Variants in GNB4 observed in about 807,000 individuals in gnomAD.
GNB4 encodes G protein subunit beta 4, also known as guanine nucleotide-binding protein subunit beta-4.
In GNB4, 28 loss-of-function variants were observed where a neutral mutation model predicts 45.2. That is an observed-to-expected ratio of 0.62 (90% confidence interval 0.46 to 0.85). GNB4 has a LOEUF of 0.85. GNB4 is among the 40% of genes least tolerant of loss of function. The probability of loss-of-function intolerance (pLI) is 0.00; values close to 1 mark genes in which losing one functional copy is unlikely to be tolerated. For missense variants in GNB4, 321 were observed against 425.4 expected (o/e 0.75, Z 2.16); for synonymous variants, 132 against 143.7 (o/e 0.92, Z 0.58).
intron 5 of GNB4, 66 bp downstream of exon 5, chr3:179,416,427 A>C: frequency 1.1e-6 from 1 of 909,636 alleles, no homozygotes; most frequent in Non-Finnish European, 1.7e-6. Context: ...AAAAGAATAA[A>C]GGAAAGAACT....
chr3:179,401,054 C>A lies in GNB4; in HGVS notation c.*159G>T. 1.9e-6 allele frequency: 1 copy of A among 524,378 alleles called. No individual in the cohort carries two copies. The highest frequency in any genetic ancestry group is 3.5e-5 in the South Asian group (1 of 28,230). The allele number at this position is 524,378 out of a possible 1,614,324, so 32.5% of individuals were successfully genotyped here. A position where few individuals can be genotyped will look rare whatever the true frequency, so the allele number is the denominator to read the frequency against. On this transcript the variant is annotated 3_prime_UTR_variant, in exon 10 of 10. Transcript: ENST00000232564. The stretch of plus-strand genomic sequence containing the variant: ...GCGCCTTTGCCTTTTTTCCTCCACC[C>A]CCACTTTTTTTTTGGTAGTTTACTG...
At chr3:179,486,128 C>T in the GNB4 span, among the ~76,000 whole-genome samples, 1 of 146,754 alleles carries the variant, frequency 6.8e-6, no homozygotes, top group Non-Finnish European at 1.5e-5. Context: ...GAGGCTGAGG[C>T]AGAGAACTGC....
chr3:179,503,254 C>T, the GNB4 span, among the ~76,000 whole-genome samples: 2 of 152,112 alleles, frequency 1.3e-5, no homozygotes, highest in African/African-American at 4.8e-5. Flanking sequence ...AGTGGTAAAA[C>T]ATACTGATTT....
chr3:179,420,525 C>T (rs1367809911), intron 3 of GNB4, among the ~76,000 whole-genome samples: 2 of 150,874 alleles, frequency 1.3e-5, no homozygotes, highest in Non-Finnish European at 2.9e-5. Context: ...TACAATGGTG[C>T]GATCTCAGCT....
intron 6 of GNB4, 23 bp downstream of exon 6, chr3:179,414,862 A>G (rs1209435976): frequency 1.3e-6 from 2 of 1,544,016 alleles, no homozygotes; most frequent in African/African-American, 1.3e-5. Flanking sequence ...GTGTGGTGGG[A>G]AAGAATATTT....
chr3:179,446,120 C>G (rs1440633197), intron 1 of GNB4, among the ~76,000 whole-genome samples: 1 of 152,210 alleles, frequency 6.6e-6, no homozygotes, highest in South Asian at 2.1e-4. Context: ...GAGGAACACA[C>G]ACTGTGAACT....
At chr3:179,418,871 T>A (rs1560215480) in intron 4 of GNB4, among the ~76,000 whole-genome samples, 1 of 152,268 alleles carries the variant, frequency 6.6e-6, no homozygotes, top group Non-Finnish European at 1.5e-5. Context: ...GTAGGCCACG[T>A]AGCAGCTGTG....
chr3:179,402,423 C>A (rs2108576381), intron 9 of GNB4, among the ~76,000 whole-genome samples: 1 of 152,308 alleles, frequency 6.6e-6, no homozygotes, highest in South Asian at 2.1e-4. Flanking sequence ...TGGCCTTAAG[C>A]AACGGAATAC....
chr3:179,506,242 G>A, the GNB4 span, among the ~76,000 whole-genome samples: 1 of 152,138 alleles, frequency 6.6e-6, no homozygotes, highest in South Asian at 2.1e-4. Flanking sequence ...GGAGGCTGAG[G>A]TGGGAGGATC....
intron 1 of GNB4, among the ~76,000 whole-genome samples, chr3:179,430,059 G>A (rs1715259764): frequency 8.7e-6 from 1 of 115,028 alleles, no homozygotes; most frequent in African/African-American, 3.1e-5. Flanking sequence ...GTGTGTGTGT[G>A]TGACTGAGAG....
intron 1 of GNB4, among the ~76,000 whole-genome samples, chr3:179,448,464 AACTT>A (rs1420804946): frequency 1.4e-4 from 21 of 151,652 alleles, no homozygotes; most frequent in Admixed American, 1.2e-3. Flanking sequence ...CTGTGCTCAA[AACTT>A]ACTTGGTTTT....
chr3:179,464,572 G>A, the GNB4 span: 1 of 1,520,718 alleles, frequency 6.6e-7, no homozygotes, highest in Admixed American at 1.7e-5. Context: ...ATCCTGGTTG[G>A]CGAGAGTTCT....
chr3:179,445,809 A>C (rs1715706508), intron 1 of GNB4, among the ~76,000 whole-genome samples: 1 of 152,226 alleles, frequency 6.6e-6, no homozygotes, highest in Non-Finnish European at 1.5e-5. Context: ...ACTGCAAGTA[A>C]GACAAGCATC....
the GNB4 span, among the ~76,000 whole-genome samples, chr3:179,520,534 G>A: frequency 2.6e-5 from 4 of 152,086 alleles, no homozygotes; most frequent in Non-Finnish European, 4.4e-5. Context: ...AATACTTTTA[G>A]AGGCCCTCAA....
At chr3:179,510,130 T>G in the GNB4 span, among the ~76,000 whole-genome samples, 1 of 151,942 alleles carries the variant, frequency 6.6e-6, no homozygotes, top group African/African-American at 2.4e-5. Flanking sequence ...GTGCCCAGGC[T>G]TCTTTTTTTT....
At chr3:179,486,215 T>A in the GNB4 span, among the ~76,000 whole-genome samples, 1 of 92,326 alleles carries the variant, frequency 1.1e-5, no homozygotes, top group East Asian at 3.3e-4. Flanking sequence ...GATGAGACTC[T>A]GTCTCAAAAA....
chr3:179,475,723 C>G, the GNB4 span, among the ~76,000 whole-genome samples: 2 of 152,274 alleles, frequency 1.3e-5, no homozygotes, highest in Admixed American at 6.5e-5. Flanking sequence ...CTGCCCGCCT[C>G]AGCCTCGCAA....
At chr3:179,479,721 G>GT in the GNB4 span, among the ~76,000 whole-genome samples, 2 of 152,180 alleles carry the variant, frequency 1.3e-5, no homozygotes, top group Admixed American at 1.3e-4. Context: ...GTGCAAACGT[G>GT]TAAGAGCATC....
At chr3:179,476,857 T>G in the GNB4 span, among the ~76,000 whole-genome samples, 1 of 152,170 alleles carries the variant, frequency 6.6e-6, no homozygotes, top group African/African-American at 2.4e-5. Flanking sequence ...GCCTGAAGTT[T>G]CTAAAAAATC....
Sources: allele counts gnomAD v4.1 joint callset (sites outside exome capture counted in the v4.1 genomes callset), GRCh38; gene constraint gnomAD v4.1.1; transcripts MANE v1.5; gene names NCBI Gene and HGNC (gene_info 2026-07-23, HGNC 2026-07-21).